AGAP1: variants seen among roughly 807,000 people sequenced by gnomAD.
AGAP1 encodes ArfGAP with GTPase domain, ankyrin repeat and PH domain 1.
A neutral mutation model predicts 105.3 loss-of-function variants in AGAP1; 29 were observed. The observed-to-expected ratio is 0.28, with a 90% CI of 0.21 to 0.38. The LOEUF (loss-of-function observed/expected upper bound fraction) is 0.38. Ranked by LOEUF, AGAP1 falls within the 10% of genes least tolerant of loss-of-function variation. AGAP1 has a pLI of 1.00. For synonymous variants in AGAP1, 509 were observed against 485.9 expected (o/e 1.05, Z -0.63); for missense variants, 998 against 1,165.1 (o/e 0.86, Z 2.09).
At position 235,582,346 on chromosome 2, in the gene AGAP1, C is replaced by G. The variant is rs1210446764; in HGVS notation, c.163+87497C>G. Among the ~76,000 whole-genome samples, 2 of 152,104 alleles carry G rather than the reference C, an allele frequency of 1.3e-5. No homozygotes were observed. The highest frequency in any genetic ancestry group is 4.8e-5 in the African/African-American group (2 of 41,440). On this transcript the variant is annotated intron_variant, in intron 1 of 17. Coordinates refer to ENST00000304032, the MANE Select transcript of AGAP1 (RefSeq NM_001037131.3). The surrounding 1 kb of genome is among the most constrained non-coding windows in gnomAD (Gnocchi z 4.7). ...TGGCATTTAGGGTGTCACTAAAGCC[C>G]AAGACCAGGATTGCTTGTCCTTTGC... is the stretch of plus-strand genomic sequence containing the variant.
chr2:235,613,803 C>T (rs2149259222), intron 1 of AGAP1, among the ~76,000 whole-genome samples: 1 of 152,346 alleles, frequency 6.6e-6, no homozygotes. Context: ...GCGGGCCTCC[C>T]TGTAGAATGA....
At chr2:235,543,654 TG>T (rs1178849171) in intron 1 of AGAP1, among the ~76,000 whole-genome samples, 2 of 151,796 alleles carry the variant, frequency 1.3e-5, no homozygotes, top group South Asian at 2.1e-4. Context: ...TGAGGGCAGG[TG>T]GGGGGTTGAC....
chr2:235,545,292 T>C (rs959027371), intron 1 of AGAP1, among the ~76,000 whole-genome samples: 1 of 152,346 alleles, frequency 6.6e-6, no homozygotes. Context: ...GAAACACAGC[T>C]TAATTCAGCT....
chr2:235,952,356 A>T (rs892874902), intron 12 of AGAP1, among the ~76,000 whole-genome samples: 61 of 131,420 alleles, frequency 4.6e-4, no homozygotes, highest in Non-Finnish European at 6.8e-4. Context: ...CATAGGTTTT[A>T]AAAAAAAAAA....
chr2:235,534,576 G>C (rs761649566), intron 1 of AGAP1, among the ~76,000 whole-genome samples: 7 of 152,170 alleles, frequency 4.6e-5, no homozygotes, highest in Non-Finnish European at 8.8e-5. Context: ...ATTTACCTTT[G>C]ATCAGTGCTT....
rs1953723375 is a variant in AGAP1, at chr2:235,754,380, CAT to C, written c.673+3894_673+3895del. Reference sequence around the variant, plus strand: ...ATACCTGTATATGGTAGAAAGAAAACATAAAGGAAAAGCGTGTAATTTCTACA... The same window carrying C: ...ATACCTGTATATGGTAGAAAGAAAACAAAGGAAAAGCGTGTAATTTCTACA... On this transcript the variant is annotated intron_variant, in intron 6 of 17. Transcript: ENST00000304032. The surrounding 1 kb of genome is among the most constrained non-coding windows in gnomAD (Gnocchi z 4.6). Among the ~76,000 whole-genome samples, 1 of 148,776 alleles carries C rather than the reference CAT, an allele frequency of 6.7e-6. No homozygotes were observed. Among genetic ancestry groups the C allele is most frequent in the Non-Finnish European group, 1.5e-5 (1 of 67,308 alleles).
At chr2:236,086,914 C>G (rs1270782790) in intron 16 of AGAP1, among the ~76,000 whole-genome samples, 1 of 146,986 alleles carries the variant, frequency 6.8e-6, no homozygotes. Flanking sequence ...ATTCCCCGCT[C>G]CCTCCCTGGT....
chr2:235,628,109 C>T (rs1481496051), intron 1 of AGAP1, among the ~76,000 whole-genome samples: 1 of 151,884 alleles, frequency 6.6e-6, no homozygotes, highest in Non-Finnish European at 1.5e-5. Flanking sequence ...AGGGGGAGCA[C>T]TAGAGCCCTC....
intron 13 of AGAP1, among the ~76,000 whole-genome samples, chr2:235,980,009 T>C (rs1297787347): frequency 1.3e-5 from 2 of 152,192 alleles, no homozygotes; most frequent in African/African-American, 4.8e-5. Flanking sequence ...TTGTGAAGTA[T>C]GACTCCCTAT....
intron 3 of AGAP1, among the ~76,000 whole-genome samples, chr2:235,727,933 A>C (rs1951731102): frequency 6.6e-6 from 1 of 152,186 alleles, no homozygotes; most frequent in East Asian, 1.9e-4. Flanking sequence ...GGAGAGATTG[A>C]CACTTCAGAG....
At chr2:235,640,959 C>G (rs1475582378) in intron 1 of AGAP1, among the ~76,000 whole-genome samples, 1 of 152,220 alleles carries the variant, frequency 6.6e-6, no homozygotes, top group African/African-American at 2.4e-5. Flanking sequence ...TGCCTAATAA[C>G]AGTGTCTTTT....
intron 1 of AGAP1, among the ~76,000 whole-genome samples, chr2:235,533,792 G>A (rs1409538748): frequency 6.6e-6 from 1 of 152,234 alleles, no homozygotes; most frequent in Non-Finnish European, 1.5e-5. Flanking sequence ...CTGCTCCCAG[G>A]AGCTGGACCC....
At chr2:235,497,276 C>T (rs1941357906) in intron 1 of AGAP1, among the ~76,000 whole-genome samples, 2 of 152,190 alleles carry the variant, frequency 1.3e-5, no homozygotes, top group South Asian at 4.1e-4. Context: ...TGTCTCCACA[C>T]TGCATGTGGA....
At chr2:236,004,109 C>T (rs2056233561) in intron 13 of AGAP1, among the ~76,000 whole-genome samples, 1 of 152,146 alleles carries the variant, frequency 6.6e-6, no homozygotes, top group African/African-American at 2.4e-5. Context: ...ACTGCAAACC[C>T]TCCTCCTGTG....
Position 235,712,351 on chromosome 2 carries a change from G to A in AGAP1, c.222+3114G>A, listed in dbSNP as rs1022026136. ...TCTGAAGTTGTGCTGTGGTCAGATC[G>A]TCCATGACCAGTTGCTTTTGGTGCT... On this transcript the variant is annotated intron_variant, in intron 2 of 17. Transcript: ENST00000304032. The surrounding 1 kb of genome is among the most constrained non-coding windows in gnomAD (Gnocchi z 6.0). Among the ~76,000 whole-genome samples, 4 of 152,210 alleles carry A rather than the reference G, an allele frequency of 2.6e-5. No homozygotes were observed. The highest frequency in any genetic ancestry group is 1.3e-4 in the Admixed American group (2 of 15,288).
intron 9 of AGAP1, among the ~76,000 whole-genome samples, chr2:235,827,171 C>CT (rs939502404): frequency 6.6e-6 from 1 of 152,206 alleles, no homozygotes; most frequent in African/African-American, 2.4e-5. Context: ...ATATGTGTGA[C>CT]TTTTACTTTC....
At chr2:235,780,499 C>T (rs926622501) in intron 6 of AGAP1, among the ~76,000 whole-genome samples, 2 of 152,164 alleles carry the variant, frequency 1.3e-5, no homozygotes, top group Non-Finnish European at 2.9e-5. Flanking sequence ...AAGCACACCA[C>T]AGATTTGCTG....
At chr2:235,575,882 C>T (rs1486403460) in intron 1 of AGAP1, among the ~76,000 whole-genome samples, 1 of 152,156 alleles carries the variant, frequency 6.6e-6, no homozygotes, top group African/African-American at 2.4e-5. Flanking sequence ...GAATTGTCTG[C>T]TGTCGACATC....
At chr2:236,079,936 G>A (rs2058738706) in intron 16 of AGAP1, among the ~76,000 whole-genome samples, 1 of 152,214 alleles carries the variant, frequency 6.6e-6, no homozygotes, top group African/African-American at 2.4e-5. Flanking sequence ...GCTGGTCTAA[G>A]ATATGAGACT....
Sources: gnomAD v4.1 joint callset for allele counts (sites outside exome capture counted in the v4.1 genomes callset) on GRCh38, gnomAD v4.1.1 for gene constraint, Gnocchi (gnomAD v3.1) non-coding constraint, MANE v1.5 for transcripts, NCBI Gene and HGNC (gene_info 2026-07-23, HGNC 2026-07-21) for gene names.